ZNF618: variants seen among roughly 807,000 people sequenced by gnomAD.
ZNF618 encodes the protein neural precursor cell expressed, developmentally down-regulated 10.
A neutral mutation model predicts 103.0 loss-of-function variants in ZNF618; 34 were observed. The ratio of observed to expected loss-of-function variants is 0.33; its 90% CI spans 0.25 to 0.44. The LOEUF is 0.44. Ranked by LOEUF, ZNF618 falls within the 20% of genes least tolerant of loss-of-function variation. The pLI, the probability that ZNF618 is intolerant of heterozygous loss-of-function variation, is 1.00. For missense variants in ZNF618, 1,059 were observed against 1,295.4 expected (o/e 0.82, Z 2.80); for synonymous variants, 551 against 542.2 (o/e 1.02, Z -0.23).
intron 1 of ZNF618, among the ~76,000 whole-genome samples, chr9:113,951,417 A>C (rs1835588977): frequency 1.6e-5 from 1 of 63,974 alleles, no homozygotes; most frequent in African/African-American, 6.6e-5. Context: ...ATATACACAC[A>C]TATATGTGTG....
At chr9:113,896,301 A>G (rs1169960812) in intron 1 of ZNF618, among the ~76,000 whole-genome samples, 1 of 152,088 alleles carries the variant, frequency 6.6e-6, no homozygotes, top group African/African-American at 2.4e-5. Flanking sequence ...GGGTTAATCA[A>G]TGAATTTTCC....
At chr9:113,935,930 G>A (rs1833992084) in intron 1 of ZNF618, among the ~76,000 whole-genome samples, 1 of 152,088 alleles carries the variant, frequency 6.6e-6, no homozygotes, top group Non-Finnish European at 1.5e-5. Flanking sequence ...GGGGAGCGTG[G>A]GTCATCTGAG....
chr9:113,974,866 G>A (rs1459920853), intron 2 of ZNF618, among the ~76,000 whole-genome samples: 1 of 152,156 alleles, frequency 6.6e-6, no homozygotes, highest in Non-Finnish European at 1.5e-5. Context: ...CCTGCCCATT[G>A]CCTGATTGTG....
intron 1 of ZNF618, among the ~76,000 whole-genome samples, chr9:113,934,560 A>G (rs918330971): frequency 1.3e-5 from 2 of 152,208 alleles, no homozygotes; most frequent in Non-Finnish European, 1.5e-5. Context: ...CTGTCCTTAC[A>G]TGGGGAAGAT....
At position 114,039,892 on chromosome 9, in the gene ZNF618, A is replaced by C. The variant is rs74355737; in HGVS notation, c.1246+3515A>C. On this transcript the variant is annotated intron_variant, in intron 13 of 14. Coordinates refer to ENST00000374126, the MANE Select transcript of ZNF618 (RefSeq NM_001318042.2). ...TGCAGTGGTCTCTCTCTGGGAAGCA[A>C]CCTTTATTCCAGCTTCGCATCCAGC... Among the ~76,000 whole-genome samples the C allele has an allele frequency of 5.3e-3, 812 of 152,180 alleles. 14 individuals are homozygous for C. Among genetic ancestry groups the C allele is most frequent in the African/African-American group, 0.019 (784 of 41,464 alleles).
intron 1 of ZNF618, among the ~76,000 whole-genome samples, chr9:113,951,499 G>A (rs1171069613): frequency 4.6e-5 from 2 of 43,418 alleles, no homozygotes; most frequent in African/African-American, 1.2e-4. Context: ...GTGTGTATGT[G>A]TACACATATA....
In ZNF618 at chr9:114,016,759, G is replaced by A; in HGVS notation, c.819G>A (p.Glu273=). Reference sequence around the variant, plus strand: ...ACAAGTACTACACTCCCTACCAGGAGCATGTGGCCTTACACGCCCCCATCA... The same window carrying A: ...ACAAGTACTACACTCCCTACCAGGAACATGTGGCCTTACACGCCCCCATCA... The part of the protein sequence containing the change: ...KQYKYYTPYQ[E]HVALHAPIST... The change falls in exon 10 of 15, where the codon GAG becomes GAA. Residue 273 remains glutamate (E), a synonymous_variant. Coordinates refer to ENST00000374126, the MANE Select transcript of ZNF618 (RefSeq NM_001318042.2). The A allele has an allele frequency of 1.2e-6, 2 of 1,613,648 alleles. No homozygotes were observed. Among genetic ancestry groups the A allele is most frequent in the South Asian group, 2.2e-5 (2 of 90,966 alleles).
intron 1 of ZNF618, among the ~76,000 whole-genome samples, chr9:113,879,417 T>A (rs1828294039): frequency 7.5e-6 from 1 of 133,370 alleles, no homozygotes; most frequent in African/African-American, 3.2e-5. Context: ...TTTTTTTAAA[T>A]TGGTTATTCT....
rs867993846 is a variant in ZNF618 at position 113,909,601 on chromosome 9, T to A, written c.33+33188T>A. 4.3e-4 allele frequency among the ~76,000 whole-genome samples: 65 copies of A among 152,100 alleles called. 2 individuals carry two copies. The highest frequency in any genetic ancestry group is 1.4e-3 in the African/African-American group (57 of 41,420). On this transcript the variant is annotated intron_variant, in intron 1 of 14. Transcript: ENST00000374126. Reference sequence around the variant, plus strand: ...ACTTGCTTTCCTCCCTGGGACTTGCTAGCCCAAGCTTGAAGGTGCCACCGT... The same window carrying A: ...ACTTGCTTTCCTCCCTGGGACTTGCAAGCCCAAGCTTGAAGGTGCCACCGT...
At chr9:114,001,247 C>T (rs1473987145) in intron 4 of ZNF618, among the ~76,000 whole-genome samples, 1 of 151,302 alleles carries the variant, frequency 6.6e-6, no homozygotes, top group East Asian at 2.0e-4. Context: ...TTCAGTCTCC[C>T]TGCTCCTGGG....
At chr9:114,034,367 T>G (rs1488365338) in intron 12 of ZNF618, among the ~76,000 whole-genome samples, 1 of 152,174 alleles carries the variant, frequency 6.6e-6, no homozygotes, top group Non-Finnish European at 1.5e-5. Flanking sequence ...CAAGCCATGC[T>G]GCACCCCCAT....
chr9:113,988,222 A>C, intron 2 of ZNF618, 99 bp from the exon 3 acceptor site: 5 of 1,450,886 alleles, frequency 3.4e-6, no homozygotes, highest in Non-Finnish European at 4.6e-6. Flanking sequence ...AGAATTCACT[A>C]TGCACACAGC....
chr9:114,001,163 G>A (rs1331789238), intron 4 of ZNF618, among the ~76,000 whole-genome samples: 1 of 152,180 alleles, frequency 6.6e-6, no homozygotes, highest in Non-Finnish European at 1.5e-5. Flanking sequence ...CCTACCATGG[G>A]CCTTTGCTCT....
intron 2 of ZNF618, among the ~76,000 whole-genome samples, chr9:113,974,601 T>G (rs1052530801): frequency 1.6e-4 from 25 of 152,280 alleles, no homozygotes; most frequent in African/African-American, 6.0e-4. Context: ...GCTATTTTTT[T>G]TTTCAGGCCT....
At chr9:113,997,800 G>C (rs562117760) in intron 3 of ZNF618, among the ~76,000 whole-genome samples, 1 of 152,206 alleles carries the variant, frequency 6.6e-6, no homozygotes, top group Non-Finnish European at 1.5e-5. Flanking sequence ...AAGAGGGAGC[G>C]TGCTGGGCAG....
At chr9:113,905,922 A>G (rs1405302379) in intron 1 of ZNF618, among the ~76,000 whole-genome samples, 2 of 152,064 alleles carry the variant, frequency 1.3e-5, no homozygotes, top group South Asian at 2.1e-4. Flanking sequence ...AGATGGGACA[A>G]TCGTAGGACC....
In ZNF618 at chr9:114,037,534, C is replaced by G. The variant is rs146911836; in HGVS notation, c.1246+1157C>G. On this transcript the variant is annotated intron_variant, in intron 13 of 14. Transcript: ENST00000374126. ...GTTAGCTGTCCCTCCACCCCTTTCC[C>G]CAGAGGAATTCTCTAGAGGCATTAG... 3.5e-3 allele frequency among the ~76,000 whole-genome samples: 540 copies of G among 152,310 alleles called. 5 individuals carry two copies. Among genetic ancestry groups the G allele is most frequent in the Non-Finnish European group, 4.2e-3 (288 of 68,026 alleles).
At chr9:113,919,908 G>A (rs984510751) in intron 1 of ZNF618, among the ~76,000 whole-genome samples, 2 of 152,236 alleles carry the variant, frequency 1.3e-5, no homozygotes, top group African/African-American at 4.8e-5. Flanking sequence ...CACAGCCTTC[G>A]CGTCACCCCA....
chr9:113,963,299 T>C (rs1231616952), intron 1 of ZNF618, among the ~76,000 whole-genome samples: 1 of 152,238 alleles, frequency 6.6e-6, no homozygotes, highest in Non-Finnish European at 1.5e-5. Flanking sequence ...AGCTGGTCGT[T>C]TAAAACAATG....
Sources: allele counts gnomAD v4.1 joint callset (sites outside exome capture counted in the v4.1 genomes callset), GRCh38; gene constraint gnomAD v4.1.1; transcripts MANE v1.5; gene names NCBI Gene and HGNC (gene_info 2026-07-23, HGNC 2026-07-21).